The following ITGA9 variants were observed in gnomAD, a reference collection of about 807,000 sequenced individuals.
ITGA9 encodes integrin subunit alpha 9.
In ITGA9, 56 loss-of-function variants were observed where a neutral mutation model predicts 127.8. The ratio of observed to expected loss-of-function variants is 0.44; its 90% CI spans 0.35 to 0.55. The LOEUF (loss-of-function observed/expected upper bound fraction) is 0.55. Among genes scored for constraint, ITGA9 ranks in the 20% least tolerant of loss-of-function variants. The pLI is 0.00. For missense variants in ITGA9, 1,196 were observed against 1,347.1 expected, an observed-to-expected ratio of 0.89 and a Z score of 1.76; for synonymous variants, 508 against 514.5, an observed-to-expected ratio of 0.99 and a Z score of 0.17.
At chr3:37,493,917 A>G (rs1478114914) in intron 4 of ITGA9, among the ~76,000 whole-genome samples, 1 of 152,114 alleles carries the variant, frequency 6.6e-6, no homozygotes, top group African/African-American at 2.4e-5. Context: ...GGTGGAGGAG[A>G]AAAGCTTATC....
chr3:37,755,743 C>T (rs940175891), intron 23 of ITGA9, among the ~76,000 whole-genome samples: 3 of 151,730 alleles, frequency 2.0e-5, no homozygotes, highest in Admixed American at 2.0e-4. Flanking sequence ...ATGAAAATAT[C>T]AGATGATCAT....
intron 15 of ITGA9, among the ~76,000 whole-genome samples, chr3:37,628,019 A>T (rs1297991997): frequency 6.6e-6 from 1 of 152,006 alleles, no homozygotes; most frequent in African/African-American, 2.4e-5. Flanking sequence ...TAGAACCTCT[A>T]CTTCTTTGAA....
At chr3:37,710,513 C>G (rs958815955) in intron 18 of ITGA9, among the ~76,000 whole-genome samples, 4 of 152,322 alleles carry the variant, frequency 2.6e-5, no homozygotes, top group Admixed American at 2.0e-4. Context: ...GGGCTGTCCG[C>G]TGAACATGAC....
At chr3:37,525,148 G>A (rs1699081313) in intron 12 of ITGA9, among the ~76,000 whole-genome samples, 1 of 152,186 alleles carries the variant, frequency 6.6e-6, no homozygotes, top group South Asian at 2.1e-4. Flanking sequence ...CCGGGTTGGG[G>A]TGGTAGGGAG....
chr3:37,602,423 T>G (rs1699930584), intron 15 of ITGA9, among the ~76,000 whole-genome samples: 1 of 152,082 alleles, frequency 6.6e-6, no homozygotes, highest in African/African-American at 2.4e-5. Context: ...ATTGTAATAA[T>G]AGAGGCACAT....
intron 15 of ITGA9, among the ~76,000 whole-genome samples, chr3:37,562,834 T>C (rs1699507178): frequency 6.6e-6 from 1 of 152,166 alleles, no homozygotes; most frequent in Non-Finnish European, 1.5e-5. Context: ...TATCCTTGCT[T>C]GTTTAATTAA....
chr3:37,754,546 T>G (rs2125539838), intron 23 of ITGA9, among the ~76,000 whole-genome samples: 1 of 152,362 alleles, frequency 6.6e-6, no homozygotes, highest in Non-Finnish European at 1.5e-5. Context: ...CCTCTCTGGC[T>G]TGTTGTTTTC....
intron 22 of ITGA9, among the ~76,000 whole-genome samples, chr3:37,744,791 G>T (rs1409441211): frequency 6.6e-6 from 1 of 152,252 alleles, no homozygotes; most frequent in African/African-American, 2.4e-5. Context: ...CAAAATTTTA[G>T]TTCCTTATAG....
At chr3:37,545,524 C>T (rs575040314) in intron 15 of ITGA9, among the ~76,000 whole-genome samples, 8 of 152,148 alleles carry the variant, frequency 5.3e-5, no homozygotes, top group African/African-American at 7.2e-5. Context: ...AGGGCACCTC[C>T]GGAGGGTATA....
In ITGA9 at chr3:37,495,931, T is replaced by C. The variant is rs181908193; in HGVS notation, c.612+1363T>C. Among the ~76,000 whole-genome samples, 761 of 152,244 alleles carry C rather than the reference T, an allele frequency of 5.0e-3. 4 individuals carry two copies. The highest frequency in any genetic ancestry group is 0.014 in the African/African-American group (601 of 41,536). On this transcript the variant is annotated intron_variant, in intron 5 of 27. Coordinates refer to ENST00000264741, the MANE Select transcript of ITGA9 (RefSeq NM_002207.3). ...CTTCCCAGTCCATGGAGGATTACAA[T>C]GTAAAGCTCCTCATCCTGGCCCCTG...
intron 17 of ITGA9, among the ~76,000 whole-genome samples, chr3:37,664,149 T>G (rs1302689920): frequency 6.6e-6 from 1 of 152,200 alleles, no homozygotes; most frequent in Non-Finnish European, 1.5e-5. Flanking sequence ...TGGCTTCTGT[T>G]GTCTCTGGGT....
chr3:37,716,661 T>C (rs1252017448), intron 18 of ITGA9, among the ~76,000 whole-genome samples: 1 of 150,296 alleles, frequency 6.7e-6, no homozygotes, highest in Admixed American at 6.7e-5. Context: ...CTCATCCTTT[T>C]TTTCAAAGAA....
chr3:37,661,137 A>C (rs895116393), intron 17 of ITGA9, among the ~76,000 whole-genome samples: 3 of 152,242 alleles, frequency 2.0e-5, no homozygotes, highest in Non-Finnish European at 4.4e-5. Context: ...CCCATAATGC[A>C]ATTGACTATA....
chr3:37,651,843 G>T (rs899228347), intron 16 of ITGA9, among the ~76,000 whole-genome samples: 1 of 152,138 alleles, frequency 6.6e-6, no homozygotes, highest in African/African-American at 2.4e-5. Context: ...GTGATAGCTG[G>T]CATGAGAAAG....
At chr3:37,591,513 T>G (rs961974812) in intron 15 of ITGA9, among the ~76,000 whole-genome samples, 1 of 152,130 alleles carries the variant, frequency 6.6e-6, no homozygotes, top group Admixed American at 6.5e-5. Flanking sequence ...GAGAAGGAGT[T>G]GGCAGCATTT....
chr3:37,738,154 A>G (rs11712745), intron 20 of ITGA9, among the ~76,000 whole-genome samples: 45,843 of 152,138 alleles, frequency 0.3, 7,795 homozygotes, highest in African/African-American at 0.47. Context: ...CACTATTTTC[A>G]AGATCACATA....
chr3:37,494,563 A>G lies in ITGA9; in HGVS notation c.607A>G (p.Thr203Ala). The G allele has an allele frequency of 6.2e-7, 1 of 1,613,228 alleles. No individual in the cohort carries two copies. Among genetic ancestry groups the G allele is most frequent in the Non-Finnish European group, 8.5e-7 (1 of 1,179,226 alleles). Residue 203 changes from threonine to alanine, a missense_variant, in exon 5 of 28, where the codon ACC (threonine) becomes GCC (alanine). Coordinates refer to ENST00000264741, the MANE Select transcript of ITGA9 (RefSeq NM_002207.3). ...CCAGGCTGGGATAGCGGGCTTCTTC[A>G]CCGAGGTGGGTGTCTGCTGTCTGGG... ...SCQAGIAGFF[T>A]EELVVMGAPG...
intron 15 of ITGA9, among the ~76,000 whole-genome samples, chr3:37,572,094 C>T (rs1699607533): frequency 6.6e-6 from 1 of 152,038 alleles, no homozygotes; most frequent in Non-Finnish European, 1.5e-5. Flanking sequence ...TATCATTCAG[C>T]TGCCACCTCC....
intron 9 of ITGA9, among the ~76,000 whole-genome samples, chr3:37,515,438 T>C (rs1698974812): frequency 6.6e-6 from 1 of 152,162 alleles, no homozygotes; most frequent in Admixed American, 6.5e-5. Flanking sequence ...TAGAGCCTTA[T>C]GTTGCGTCTG....
Sources: allele counts gnomAD v4.1 joint callset (sites outside exome capture counted in the v4.1 genomes callset), GRCh38; gene constraint gnomAD v4.1.1; transcripts MANE v1.5; gene names NCBI Gene and HGNC (gene_info 2026-07-23, HGNC 2026-07-21).